The following UVRAG variants were observed in gnomAD, a reference collection of about 807,000 sequenced individuals.
UVRAG encodes the protein UV radiation resistance-associated gene protein.
Under a neutral mutation model 78.0 loss-of-function variants are expected in UVRAG, and 19 were observed. That is an observed-to-expected ratio of 0.24 (90% CI 0.17 to 0.36). UVRAG has a LOEUF of 0.36. UVRAG is among the 10% of genes least tolerant of loss of function. The pLI is 1.00. For synonymous variants in UVRAG, 323 were observed against 324.6 expected (o/e 1.00, Z 0.05); for missense variants, 740 against 853.8 (o/e 0.87, Z 1.66).
At chr11:76,008,895 G>C (rs748259238) in intron 11 of UVRAG, 28 bp downstream of exon 11, 2 of 1,243,288 alleles carry the variant, frequency 1.6e-6, no homozygotes, top group South Asian at 3.0e-5. Flanking sequence ...TTGAAGATTT[G>C]TTATATATTA....
At chr11:75,827,809 C>G (rs1002723331) in intron 1 of UVRAG, among the ~76,000 whole-genome samples, 1 of 152,160 alleles carries the variant, frequency 6.6e-6, no homozygotes, top group Non-Finnish European at 1.5e-5. Context: ...TAATTCCAAT[C>G]ATTCTTTTGT....
At chr11:75,949,049 G>A (rs1948635607) in intron 6 of UVRAG, among the ~76,000 whole-genome samples, 1 of 152,158 alleles carries the variant, frequency 6.6e-6, no homozygotes, top group African/African-American at 2.4e-5. Context: ...AATAAGAGTT[G>A]AAGCTAAGAA....
intron 14 of UVRAG, among the ~76,000 whole-genome samples, chr11:76,139,505 CT>C (rs1952665291): frequency 6.6e-6 from 1 of 152,170 alleles, no homozygotes; most frequent in Non-Finnish European, 1.5e-5. Flanking sequence ...GCCTCTACCC[CT>C]GCCTAGTGGT....
chr11:76,038,096 A>G (rs1413702726), intron 12 of UVRAG, among the ~76,000 whole-genome samples: 1 of 152,234 alleles, frequency 6.6e-6, no homozygotes, highest in African/African-American at 2.4e-5. Context: ...GAATTAAATC[A>G]CTTACATCTC....
At position 76,068,379 on chromosome 11, in the gene UVRAG, C is replaced by T. The variant is rs73496181; in HGVS notation, c.1305+2591C>T. On this transcript the variant is annotated intron_variant, in intron 13 of 14. Coordinates refer to ENST00000356136, the MANE Select transcript of UVRAG (RefSeq NM_003369.4). Reference sequence around the variant, plus strand: ...TTTTACTCATCTGAGAAATGGATTGCTTGTAGTAATTGTGTATCCTCTCCA... The same window carrying T: ...TTTTACTCATCTGAGAAATGGATTGTTTGTAGTAATTGTGTATCCTCTCCA... Among the ~76,000 whole-genome samples, 127 of 152,254 alleles carry T rather than the reference C, an allele frequency of 8.3e-4. 1 individual carries two copies. The highest frequency in any genetic ancestry group is 2.7e-3 in the African/African-American group (111 of 41,540).
At chr11:76,074,111 A>G (rs1198213938) in intron 13 of UVRAG, among the ~76,000 whole-genome samples, 1 of 152,238 alleles carries the variant, frequency 6.6e-6, no homozygotes, top group African/African-American at 2.4e-5. Context: ...AAGAATTCAC[A>G]AACATGCAAA....
At chr11:76,049,956 A>G (rs753169541) in intron 12 of UVRAG, among the ~76,000 whole-genome samples, 1 of 152,250 alleles carries the variant, frequency 6.6e-6, no homozygotes, top group Non-Finnish European at 1.5e-5. Context: ...CTATGTGACC[A>G]TGGGCACTAA....
intron 6 of UVRAG, among the ~76,000 whole-genome samples, chr11:75,946,549 T>G (rs1338922007): frequency 6.6e-6 from 1 of 152,242 alleles, no homozygotes; most frequent in African/African-American, 2.4e-5. Flanking sequence ...CTGCTTATGG[T>G]CTCATGAGGC....
At chr11:75,952,563 A>C (rs1747514876) in intron 6 of UVRAG, among the ~76,000 whole-genome samples, 1 of 151,984 alleles carries the variant, frequency 6.6e-6, no homozygotes, top group Non-Finnish European at 1.5e-5. Context: ...TGATTTTCAA[A>C]TATTATACCA....
chr11:75,880,138 G>A, intron 4 of UVRAG, 98 bp downstream of exon 4: 1 of 1,428,306 alleles, frequency 7.0e-7, no homozygotes, highest in Non-Finnish European at 9.6e-7. Flanking sequence ...CTATTATAAA[G>A]AGAGACTTTT....
intron 5 of UVRAG, among the ~76,000 whole-genome samples, chr11:75,893,882 C>T (rs542237034): frequency 2.2e-4 from 33 of 151,578 alleles, no homozygotes; most frequent in African/African-American, 8.0e-4. Flanking sequence ...CAGAGTCTCA[C>T]TCTGTTGCCC....
intron 12 of UVRAG, among the ~76,000 whole-genome samples, chr11:76,052,147 C>T (rs543560918): frequency 2.0e-4 from 31 of 152,314 alleles, no homozygotes; most frequent in African/African-American, 5.3e-4. Context: ...ATCTGTCTAA[C>T]CCACTGGACT....
chr11:75,825,187 C>T (rs1382492848), intron 1 of UVRAG, among the ~76,000 whole-genome samples: 3 of 151,962 alleles, frequency 2.0e-5, no homozygotes, highest in Non-Finnish European at 2.9e-5. Flanking sequence ...CAGCTCACTG[C>T]AACCTCTGCC....
intron 14 of UVRAG, among the ~76,000 whole-genome samples, chr11:76,123,259 G>C (rs1454700381): frequency 6.6e-6 from 1 of 152,160 alleles, no homozygotes; most frequent in Non-Finnish European, 1.5e-5. Context: ...CAGGCAGCAG[G>C]CCTGGTGGAA....
chr11:76,129,776 A>G (rs1048335562), intron 14 of UVRAG, among the ~76,000 whole-genome samples: 1 of 151,884 alleles, frequency 6.6e-6, no homozygotes, highest in Non-Finnish European at 1.5e-5. Flanking sequence ...CACCTGTACT[A>G]CTGCACAGCC....
intron 13 of UVRAG, among the ~76,000 whole-genome samples, chr11:76,072,509 G>T (rs549236760): frequency 1.3e-5 from 2 of 152,258 alleles, no homozygotes; most frequent in African/African-American, 4.8e-5. Context: ...TTTTTCAGAT[G>T]CATGAAGGAT....
rs115530742 is a variant in UVRAG at position 75,824,038 on chromosome 11, C to A, written c.117+8514C>A. Among the ~76,000 whole-genome samples the A allele has an allele frequency of 3.9e-3, 590 of 152,102 alleles. 2 individuals are homozygous for A. The highest frequency in any genetic ancestry group is 0.013 in the African/African-American group (554 of 41,486). ...ATTTGGATACCCTACTTTTGCTAAT[C>A]TAATTTAATCATTTTTCTATTACTA... On this transcript the variant is annotated intron_variant, in intron 1 of 14. Transcript: ENST00000356136.
intron 13 of UVRAG, among the ~76,000 whole-genome samples, chr11:76,111,818 T>G (rs1417255642): frequency 6.6e-6 from 1 of 151,914 alleles, no homozygotes; most frequent in Non-Finnish European, 1.5e-5. Context: ...ACAGACTTCC[T>G]TCACAGCTTT....
At chr11:76,001,266 A>T (rs1949809225) in intron 8 of UVRAG, among the ~76,000 whole-genome samples, 1 of 152,220 alleles carries the variant, frequency 6.6e-6, no homozygotes, top group Non-Finnish European at 1.5e-5. Flanking sequence ...TCACAAGAAA[A>T]TTGGAAAGTA....
Sources: gnomAD v4.1 joint callset for allele counts (sites outside exome capture counted in the v4.1 genomes callset) on GRCh38, gnomAD v4.1.1 for gene constraint, MANE v1.5 for transcripts, NCBI Gene and HGNC (gene_info 2026-07-23, HGNC 2026-07-21) for gene names.